Variants in FAM47A observed in about 807,000 individuals in gnomAD.
FAM47A encodes the protein family with sequence similarity 47 member A.
FAM47A carries 1 observed loss-of-function variant against 2.6 expected under a neutral mutation model. The ratio of observed to expected loss-of-function variants is 0.39; its 90% confidence interval spans 0.14 to 1.83. FAM47A has a LOEUF of 1.83. Among genes scored for constraint, FAM47A ranks in the 40% most tolerant of loss-of-function variants. The pLI, the probability that FAM47A is intolerant of heterozygous loss-of-function variation, is 0.32. For synonymous variants in FAM47A, 278 were observed against 270.1 expected (o/e 1.03, Z -0.29); for missense variants, 657 against 673.1 (o/e 0.98, Z 0.26).
chrX:34,130,883 G>T lies in FAM47A; in HGVS notation c.1396C>A (p.Pro466Thr), dbSNP rs1922443128. The change falls in exon 1 of 1, where the codon CCC becomes ACC. Residue 466 changes from proline (P) to threonine (T), a missense_variant. Coordinates refer to ENST00000346193, the MANE Select transcript of FAM47A (RefSeq NM_203408.4). ...TGAGTCTCGGGAGGCTGCAGGCAGG[G>T]TTCCCCACAAGGGGATTTATGAGGC... ...TEPHKSPCGE[P>T]CLQPPETQVS... The T allele has an allele frequency of 3.3e-6, 4 of 1,200,853 alleles. No individual in the cohort carries two copies. The highest frequency in any genetic ancestry group is 6.0e-5 in the East Asian group (2 of 33,518).
In FAM47A at chrX:34,132,262, A is replaced by G. The variant is rs773961885; in HGVS notation, c.17T>C (p.Leu6Pro). MGDQR[L>P]QDWLRSPGMD... The stretch of plus-strand genomic sequence containing the variant: ...GCCCGGGGACCTCAGCCAGTCCTGC[A>G]GCCTCTGGTCCCCCATGGTGGCCCT... The change falls in exon 1 of 1, where the codon CTG (leucine) becomes CCG (proline). Residue 6 changes from leucine to proline, a missense_variant. By Grantham distance (98) the Leu-to-Pro change is moderately conservative (BLOSUM62 -3). Around this residue, in one of 3 missense-constraint regions of FAM47A, gnomAD observed 436 missense variants for 414.1 expected, o/e 1.05. Transcript: ENST00000346193. 10 of 1,173,166 alleles carry G rather than the reference A, an allele frequency of 8.5e-6. No homozygotes were observed. Among genetic ancestry groups the G allele is most frequent in the Non-Finnish European group, 1.0e-5 (9 of 876,654 alleles).
In FAM47A at chrX:34,131,245, C is replaced by T; in HGVS notation, c.1034G>A (p.Arg345His). Reference sequence around the variant, plus strand: ...CTCCGAGCGGAGACTGGACCCCCGACGAGTCTTGGAATGCTCTAGGCGGAG... The same window carrying T: ...CTCCGAGCGGAGACTGGACCCCCGATGAGTCTTGGAATGCTCTAGGCGGAG... The part of the protein sequence containing the change: ...SHLRLEHSKT[R>H]RGSSLRSEPS... The change falls in exon 1 of 1, where the codon CGT becomes CAT. Residue 345 changes from arginine (R) to histidine (H), a missense_variant. Arg to His is a conservative substitution (Grantham distance 29). Coordinates refer to ENST00000346193, the MANE Select transcript of FAM47A (RefSeq NM_203408.4). 5.0e-6 allele frequency: 6 copies of T among 1,207,168 alleles called. No individual in the cohort carries two copies. Among genetic ancestry groups the T allele is most frequent in the East Asian group, 3.0e-5 (1 of 33,509 alleles).
chrX:34,130,125 C>T lies in FAM47A; in HGVS notation c.2154G>A (p.Lys718=), dbSNP rs1326166462. 8.3e-7 allele frequency: 1 copy of T among 1,211,284 alleles called. No individual in the cohort carries two copies. Among genetic ancestry groups the T allele is most frequent in the African/African-American group, 1.7e-5 (1 of 57,793 alleles). ...GTTCATCAGGCTTTTTAAGTAAGAGCTTGGGGTCAATCAAAGGTTCATCAC... is the reference window on the plus strand; with the variant it reads ...GTTCATCAGGCTTTTTAAGTAAGAGTTTGGGGTCAATCAAAGGTTCATCAC... The part of the protein sequence containing the change: ...LRSDEPLIDP[K]LLLKKPDEPD... Residue 718 remains lysine (K), a synonymous_variant, in exon 1 of 1, where the codon AAG becomes AAA. Transcript: ENST00000346193.
In FAM47A at chrX:34,130,227, A is replaced by G. The variant is rs755537008; in HGVS notation, c.2052T>C (p.Asn684=). 2.5e-6 allele frequency: 3 copies of G among 1,209,921 alleles called. No homozygotes were observed. The highest frequency in any genetic ancestry group is 3.4e-6 in the Non-Finnish European group (3 of 895,187). ...TCTTCACACGCTGTGCGGTATAAGAATTCGATGGCGTGTGGAATTTCCTGC... is the reference window on the plus strand; with the variant it reads ...TCTTCACACGCTGTGCGGTATAAGAGTTCGATGGCGTGTGGAATTTCCTGC... ...YWGRKFHTPS[N]SYTAQRVKMK... is the part of the protein sequence containing the mutation. The change falls in exon 1 of 1, where the codon AAT becomes AAC. Residue 684 remains asparagine (N), a synonymous_variant. Transcript: ENST00000346193.
rs374052739 is a variant in FAM47A at position 34,131,197 on chromosome X, C to T, written c.1082G>A (p.Arg361His). 2.2e-5 allele frequency: 26 copies of T among 1,196,409 alleles called. No homozygotes were observed. The Middle Eastern group carries it at 7.0e-4, about 32-fold the overall frequency. ...AGTCTTGGGAGGCGCTAGGCGGAGA[C>T]GGGACACTCCAGTCTCGGAAGGCTC... The part of the protein sequence containing the change: ...RSEPSETGVS[R>H]LRLAPPKTRR... Residue 361 changes from arginine (R) to histidine (H), a missense_variant, in exon 1 of 1, where the codon CGT (arginine) becomes CAT (histidine). Coordinates refer to ENST00000346193, the MANE Select transcript of FAM47A (RefSeq NM_203408.4).
In FAM47A at chrX:34,130,738, G is replaced by A. The variant is rs878906003; in HGVS notation, c.1541C>T (p.Thr514Met). 2.6e-6 allele frequency: 3 copies of A among 1,167,918 alleles called. No individual in the cohort carries two copies. Among genetic ancestry groups the A allele is most frequent in the Middle Eastern group, 2.4e-4 (1 of 4,114 alleles). Residue 514 changes from threonine (T) to methionine (M), a missense_variant, in exon 1 of 1, where the codon ACG becomes ATG. Thr to Met is a moderately conservative substitution (Grantham distance 81). This residue lies in a region of FAM47A where 23 missense variants were observed against 55.6 expected (regional missense o/e 0.41). Transcript: ENST00000346193. ...LRSEPPKTRR[T>M]SSLRSEPPKT... ...GGGAGGCTCCGAGCGGAGACTGGAC[G>A]TCCGACGAGTCTTGGGAGGCTCCGA...
Position 34,130,606 on chromosome X carries a change from G to A in FAM47A, c.1673C>T (p.Pro558Leu), listed in dbSNP as rs745403635. Residue 558 changes from proline to leucine, a missense_variant, in exon 1 of 1, where the codon CCG (proline) becomes CTG (leucine). By Grantham distance (98) the Pro-to-Leu change is moderately conservative. This residue lies in a region of FAM47A where 198 missense variants were observed against 203.4 expected (regional missense o/e 0.97). Transcript: ENST00000346193. ...GGACTCTGGAGCTTTGGGAGGCTCC[G>A]GGTGGAGACTGGACACCCGACGACT... ...PKSRRVSSLH[P>L]EPPKAPESHQ... 54 of 1,208,721 alleles carry A rather than the reference G, an allele frequency of 4.5e-5. No individual in the cohort carries two copies. In the South Asian group the frequency reaches 5.1e-4, roughly 11 times the overall value.
In FAM47A at chrX:34,131,756, C is replaced by G. The variant is rs1390930497; in HGVS notation, c.523G>C (p.Val175Leu). The G allele has an allele frequency of 8.3e-7, 1 of 1,206,668 alleles. No individual in the cohort carries two copies. Among genetic ancestry groups the G allele is most frequent in the Non-Finnish European group, 1.1e-6 (1 of 893,908 alleles). ...GGATGTTTACCAGGCTCAGTGGGTA[C>G]CTCTGTTGTCTTCTCCTGGGTCTCA... ...CCETQEKTTE[V>L]PTEPGKHPCG... Residue 175 changes from valine to leucine, a missense_variant, in exon 1 of 1, where the codon GTA (valine) becomes CTA (leucine). Val to Leu is a conservative substitution (Grantham distance 32, BLOSUM62 1). Transcript: ENST00000346193.
chrX:34,132,120 C>T lies in FAM47A; in HGVS notation c.159G>A (p.Glu53=), dbSNP rs1224175519. 1 of 1,211,502 alleles carries T rather than the reference C, an allele frequency of 8.3e-7. No individual in the cohort carries two copies. Among genetic ancestry groups the T allele is most frequent in the Admixed American group, 2.2e-5 (1 of 46,001 alleles). The part of the protein sequence containing the change: ...MDTQNWVFVK[E]GMDDFRYGCP... The stretch of plus-strand genomic sequence containing the variant: ...AGCCGTAGCGGAAGTCGTCCATGCC[C>T]TCCTTCACAAATACCCAGTTCTGGG... The change falls in exon 1 of 1, where the codon GAG becomes GAA. Residue 53 remains glutamate (E), a synonymous_variant. Coordinates refer to ENST00000346193, the MANE Select transcript of FAM47A (RefSeq NM_203408.4).
chrX:34,130,230 C>A lies in FAM47A; in HGVS notation c.2049G>T (p.Ser683=). ...KYWGRKFHTP[S]NSYTAQRVKM... is the part of the protein sequence containing the mutation. ...TCACACGCTGTGCGGTATAAGAATT[C>A]GATGGCGTGTGGAATTTCCTGCCCC... Residue 683 remains serine, a synonymous_variant, in exon 1 of 1, where the codon TCG becomes TCT. Coordinates refer to ENST00000346193, the MANE Select transcript of FAM47A (RefSeq NM_203408.4). The A allele has an allele frequency of 8.3e-7, 1 of 1,211,220 alleles. No individual in the cohort carries two copies. Among genetic ancestry groups the A allele is most frequent in the Non-Finnish European group, 1.1e-6 (1 of 895,277 alleles).
chrX:34,130,374 G>A lies in FAM47A; in HGVS notation c.1905C>T (p.Tyr635=). The A allele has an allele frequency of 8.3e-7, 1 of 1,211,600 alleles. No individual in the cohort carries two copies. The highest frequency in any genetic ancestry group is 1.1e-6 in the Non-Finnish European group (1 of 895,510). ...IRNLFDFTPK[Y]RATHEDQKFK... ...ACTTTTGGTCCTCATGGGTTGCTCT[G>A]TACTTGGGGGTAAAGTCAAACAGAT... The change falls in exon 1 of 1, where the codon TAC becomes TAT. Residue 635 remains tyrosine, a synonymous_variant. Transcript: ENST00000346193.
At position 34,131,461 on chromosome X, in the gene FAM47A, A is replaced by C. The variant is rs776320600; in HGVS notation, c.818T>G (p.Leu273Arg). The change falls in exon 1 of 1, where the codon CTG becomes CGG. Residue 273 changes from leucine (L) to arginine (R), a missense_variant. Leu to Arg is a moderately radical substitution (Grantham distance 102, BLOSUM62 -2). Coordinates refer to ENST00000346193, the MANE Select transcript of FAM47A (RefSeq NM_203408.4). ...QLLKLDSERKLEDARAPCEGR... is the reference protein window; with the variant it reads ...QLLKLDSERKREDARAPCEGR... ...CTCACAAGGAGCCCGTGCGTCTTCCAGCTTCCTCTCAGAATCCAGTTTCAG... is the reference window on the plus strand; with the variant it reads ...CTCACAAGGAGCCCGTGCGTCTTCCCGCTTCCTCTCAGAATCCAGTTTCAG... 3.3e-6 allele frequency: 4 copies of C among 1,209,767 alleles called. No individual in the cohort carries two copies. Among genetic ancestry groups the C allele is most frequent in the Non-Finnish European group, 4.5e-6 (4 of 895,054 alleles).
Position 34,131,825 on chromosome X carries a change from G to T in FAM47A, c.454C>A (p.His152Asn). 2 of 1,211,454 alleles carry T rather than the reference G, an allele frequency of 1.7e-6. No homozygotes were observed. Among genetic ancestry groups the T allele is most frequent in the Non-Finnish European group, 2.2e-6 (2 of 895,372 alleles). The change falls in exon 1 of 1, where the codon CAC becomes AAC. Residue 152 changes from histidine (H) to asparagine (N), a missense_variant. His to Asn is a moderately conservative substitution (Grantham distance 68). Coordinates refer to ENST00000346193, the MANE Select transcript of FAM47A (RefSeq NM_203408.4). ...TCCAGCTCCCTCTCAGGATCCAGGTGTTTCAGCACCTGTAGTAGGAGATCT... is the reference window on the plus strand; with the variant it reads ...TCCAGCTCCCTCTCAGGATCCAGGTTTTTCAGCACCTGTAGTAGGAGATCT... ...PPDLLLQVLKHLDPERELEDA... is the reference protein window; with the variant it reads ...PPDLLLQVLKNLDPERELEDA...
rs201141025 is a variant in FAM47A, at chrX:34,131,605, G to T, written c.674C>A (p.Pro225Gln). 555 of 1,205,212 alleles carry T rather than the reference G, an allele frequency of 4.6e-4. 5 individuals are homozygous for T. The African/African-American group carries it at 9.0e-3, about 20-fold the overall frequency. ...GGACACTCCAGTCTCAGGAGGCTCC[G>T]GGCGGAGACTGGACACCGGAGTCTT... ...PPKTPVSSLR[P>Q]EPPETGVSHL... The change falls in exon 1 of 1, where the codon CCG (proline) becomes CAG (glutamine). Residue 225 changes from proline (P) to glutamine (Q), a missense_variant. By Grantham distance (76) the Pro-to-Gln change is moderately conservative. Around this residue, in one of 3 missense-constraint regions of FAM47A, gnomAD observed 436 missense variants for 414.1 expected, o/e 1.05. Coordinates refer to ENST00000346193, the MANE Select transcript of FAM47A (RefSeq NM_203408.4).
Position 34,129,786 on chromosome X carries a change from A to G in FAM47A, c.*117T>C, listed in dbSNP as rs193114908. 1.7e-6 allele frequency: 1 copy of G among 595,486 alleles called. No individual in the cohort carries two copies. Among genetic ancestry groups the G allele is most frequent in the East Asian group, 3.6e-5 (1 of 28,084 alleles). The allele number at this position is 595,486 out of a possible 1,213,427, so 49.1% of individuals were successfully genotyped here. A position where few individuals can be genotyped will look rare whatever the true frequency, so the allele number is the denominator to read the frequency against. On this transcript the variant is annotated 3_prime_UTR_variant, in exon 1 of 1. Coordinates refer to ENST00000346193, the MANE Select transcript of FAM47A (RefSeq NM_203408.4). Reference sequence around the variant, plus strand: ...TAAGAAATATTGATAAACATTAGGTATTGAATTTACAGATGTTGCCAAAGT... The same window carrying G: ...TAAGAAATATTGATAAACATTAGGTGTTGAATTTACAGATGTTGCCAAAGT...
chrX:34,130,847 G>GA lies in FAM47A; in HGVS notation c.1431dup (p.Pro478SerfsTer120). ...CGTGTCTTGGGATGTTCCGGGTGGG[G>GA]ATGGGACACCTGAGTCTCGGGAGGC... On this transcript the variant is annotated frameshift_variant, in exon 1 of 1. Transcript: ENST00000346193. LOFTEE classifies it low-confidence loss of function (END_TRUNC). 1 of 1,195,625 alleles carries GA rather than the reference G, an allele frequency of 8.4e-7. No homozygotes were observed. Among genetic ancestry groups the GA allele is most frequent in the Non-Finnish European group, 1.1e-6 (1 of 886,127 alleles).
chrX:34,132,201 A>G lies in FAM47A; in HGVS notation c.78T>C (p.Pro26=). 8.3e-7 allele frequency: 1 copy of G among 1,209,136 alleles called. No individual in the cohort carries two copies. Among genetic ancestry groups the G allele is most frequent in the African/African-American group, 1.7e-5 (1 of 57,676 alleles). ...DSKPWYCNKR[P]SKCFAKCKHR... ...GCTTGCACTTCGCGAAGCACTTGGA[A>G]GGCCGTTTGTTACAGTACCAGGGCT... is the stretch of plus-strand genomic sequence containing the variant. Residue 26 remains proline (P), a synonymous_variant, in exon 1 of 1, where the codon CCT becomes CCC. Coordinates refer to ENST00000346193, the MANE Select transcript of FAM47A (RefSeq NM_203408.4).
In FAM47A at chrX:34,132,215, A is replaced by C. The variant is rs1464973050; in HGVS notation, c.64T>G (p.Cys22Gly). The C allele has an allele frequency of 8.3e-7, 1 of 1,204,928 alleles. No individual in the cohort carries two copies. The highest frequency in any genetic ancestry group is 3.0e-5 in the East Asian group (1 of 33,760). Residue 22 changes from cysteine to glycine, a missense_variant, in exon 1 of 1, where the codon TGT becomes GGT. Around this residue, in one of 3 missense-constraint regions of FAM47A, gnomAD observed 436 missense variants for 414.1 expected, o/e 1.05. Transcript: ENST00000346193. ...AAGCACTTGGAAGGCCGTTTGTTAC[A>C]GTACCAGGGCTTGGAGTCCATGCCC... is the stretch of plus-strand genomic sequence containing the variant. ...SPGMDSKPWY[C>G]NKRPSKCFAK...
rs749757114 is a variant in FAM47A at position 34,131,052 on chromosome X, G to A, written c.1227C>T (p.Cys409=). ...TGTCGGGAGGTTCCAGGCGGAGATG[G>A]CACACTCCAGTCTTGGGAGGCACTG... ...LHPVPPKTGV[C]HLRLEPPDTS... The change falls in exon 1 of 1, where the codon TGC becomes TGT. Residue 409 remains cysteine (C), a synonymous_variant. Coordinates refer to ENST00000346193, the MANE Select transcript of FAM47A (RefSeq NM_203408.4). 1.7e-6 allele frequency: 2 copies of A among 1,191,775 alleles called. No homozygotes were observed. The highest frequency in any genetic ancestry group is 1.1e-6 in the Non-Finnish European group (1 of 885,840).
Sources: gnomAD v4.1 joint callset for allele counts on GRCh38, gnomAD v4.1.1 for gene constraint, gnomAD v4.1.1 regional missense constraint, MANE v1.5 for transcripts, NCBI Gene and HGNC (gene_info 2026-07-23, HGNC 2026-07-21) for gene names.